AXL: variants seen among roughly 807,000 people sequenced by gnomAD.
AXL encodes tyrosine-protein kinase receptor UFO.
A neutral mutation model predicts 104.5 loss-of-function variants in AXL; 52 were observed. The ratio of observed to expected loss-of-function variants is 0.50; its 90% confidence interval spans 0.40 to 0.63. The LOEUF is 0.63. Ranked by LOEUF, AXL falls within the 20% of genes least tolerant of loss-of-function variation. The probability of loss-of-function intolerance (pLI) is 0.00; values close to 1 mark genes in which losing one functional copy is unlikely to be tolerated. For synonymous variants in AXL, 455 were observed against 473.7 expected (o/e 0.96, Z 0.51); for missense variants, 1,024 against 1,188.5 (o/e 0.86, Z 2.04).
At position 41,259,684 on chromosome 19, in the gene AXL, T is replaced by A; in HGVS notation, c.2465T>A (p.Val822Asp). The A allele has an allele frequency of 1.2e-6, 2 of 1,614,042 alleles. No homozygotes were observed. The highest frequency in any genetic ancestry group is 1.3e-5 in the African/African-American group (1 of 74,978). ...CAGGAGCCTGACGAAATCCTCTATGTCAACATGGATGAGGGTGGAGGTTAT... is the reference window on the plus strand; with the variant it reads ...CAGGAGCCTGACGAAATCCTCTATGACAACATGGATGAGGGTGGAGGTTAT... Reference protein sequence around the residue: ...PAQEPDEILYVNMDEGGGYPE... With the variant: ...PAQEPDEILYDNMDEGGGYPE... The change falls in exon 20 of 20, where the codon GTC becomes GAC. Residue 822 changes from valine (V) to aspartate (D), a missense_variant. Val to Asp is a radical substitution (Grantham distance 152). Coordinates refer to ENST00000301178, the MANE Select transcript of AXL (RefSeq NM_021913.5).
rs2033778189 is a variant in AXL at position 41,220,846 on chromosome 19, T to C, written c.296T>C (p.Val99Ala). 1 of 1,613,926 alleles carries C rather than the reference T, an allele frequency of 6.2e-7. No homozygotes were observed. The highest frequency in any genetic ancestry group is 2.2e-5 in the East Asian group (1 of 44,830). The change falls in exon 2 of 20, where the codon GTC (valine) becomes GCC (alanine). Residue 99 changes from valine (V) to alanine (A), a missense_variant. By Grantham distance (64) the Val-to-Ala change is moderately conservative (BLOSUM62 0). Around this residue, in one of 5 missense-constraint regions of AXL, gnomAD observed 41 missense variants for 76.2 expected, o/e 0.54. Coordinates refer to ENST00000301178, the MANE Select transcript of AXL (RefSeq NM_021913.5). ...GEDEQDDWIV[V>A]SQLRITSLQL... Reference sequence around the variant, plus strand: ...GATGAACAGGATGACTGGATAGTGGTCAGCCAGCTCAGGTGTGTGGCCACA... The same window carrying C: ...GATGAACAGGATGACTGGATAGTGGCCAGCCAGCTCAGGTGTGTGGCCACA...
At chr19:41,245,878 G>C (rs2034263116) in intron 12 of AXL, among the ~76,000 whole-genome samples, 1 of 152,156 alleles carries the variant, frequency 6.6e-6, no homozygotes, top group Non-Finnish European at 1.5e-5. Context: ...TTTAAGAAGA[G>C]AAGGAAGAAG....
chr19:41,219,470 C>T lies in AXL; in HGVS notation c.78C>T (p.Ala26=). 1 of 1,604,250 alleles carries T rather than the reference C, an allele frequency of 6.2e-7. No individual in the cohort carries two copies. Among genetic ancestry groups the T allele is most frequent in the South Asian group, 1.1e-5 (1 of 89,256 alleles). The change falls in exon 1 of 20, where the codon GCC becomes GCT. Residue 26 remains alanine (A), a synonymous_variant. Transcript: ENST00000301178. The part of the protein sequence containing the change: ...CLALCGWACM[A]PRGTQAEESP... The stretch of plus-strand genomic sequence containing the variant: ...CGCTGTGCGGCTGGGCGTGCATGGC[C>T]CCCAGGGGTGAGTGATGGGGGCTCC...
chr19:41,251,727 A>AAAAAAC (rs1031198974), intron 14 of AXL, among the ~76,000 whole-genome samples: 1 of 152,028 alleles, frequency 6.6e-6, no homozygotes, highest in African/African-American at 2.4e-5. Flanking sequence ...AAATAAAAAT[A>AAAAAAC]AAAAACAAAA....
At chr19:41,220,060 C>T (rs1459501265) in intron 1 of AXL, among the ~76,000 whole-genome samples, 4 of 151,186 alleles carry the variant, frequency 2.6e-5, no homozygotes, top group East Asian at 3.9e-4. Flanking sequence ...TCTCTCCCTG[C>T]TCTCTGAGTC....
At chr19:41,237,001 C>G (rs1387852684) in intron 6 of AXL, among the ~76,000 whole-genome samples, 2 of 151,782 alleles carry the variant, frequency 1.3e-5, no homozygotes, top group Non-Finnish European at 2.9e-5. Flanking sequence ...TTATGTGTGG[C>G]CCAAGACAAT....
At chr19:41,238,277 A>G (rs1465768229) in intron 7 of AXL, 123 bp downstream of exon 7, 3 of 1,414,124 alleles carry the variant, frequency 2.1e-6, no homozygotes, top group Non-Finnish European at 3.0e-6. Flanking sequence ...TTCCCATCCA[A>G]TCTCTGACCC....
Position 41,222,007 on chromosome 19 carries a change from C to G in AXL, c.537C>G (p.Pro179=). 1 of 1,605,900 alleles carries G rather than the reference C, an allele frequency of 6.2e-7. No individual in the cohort carries two copies. Among genetic ancestry groups the G allele is most frequent in the Non-Finnish European group, 8.5e-7 (1 of 1,176,932 alleles). Residue 179 remains proline, a synonymous_variant, in exon 4 of 20, where the codon CCC becomes CCG. Transcript: ENST00000301178. The stretch of plus-strand genomic sequence containing the variant: ...TACTCTGGCTCCAGGATGCTGTCCC[C>G]CTGGCCACGGCTCCAGGTCACGGCC... The part of the protein sequence containing the change: ...VDLLWLQDAV[P]LATAPGHGPQ...
chr19:41,257,675 C>T (rs757611340), intron 19 of AXL, 46 bp downstream of exon 19: 3 of 1,611,122 alleles, frequency 1.9e-6, no homozygotes, highest in Non-Finnish European at 1.7e-6. Context: ...ATTCCAAACC[C>T]CTGACTACCC....
chr19:41,229,502 C>T lies in AXL; in HGVS notation c.587-1465C>T, dbSNP rs559155597. On this transcript the variant is annotated intron_variant, in intron 4 of 19. Coordinates refer to ENST00000301178, the MANE Select transcript of AXL (RefSeq NM_021913.5). ...CTGGTCTCTAACTCCTGGCCTCAAG[C>T]GATCCTCCTGACTCAGCCTCCCAAA... Among the ~76,000 whole-genome samples, 6 of 152,172 alleles carry T rather than the reference C, an allele frequency of 3.9e-5. No individual in the cohort carries two copies. The East Asian group carries it at 5.8e-4, about 15-fold the overall frequency.
In AXL at chr19:41,256,692, A is replaced by C. The variant is rs2034458215; in HGVS notation, c.2196+81A>C. 47 of 1,562,304 alleles carry C rather than the reference A, an allele frequency of 3.0e-5. No individual in the cohort carries two copies. In the East Asian group the frequency reaches 1.1e-3, roughly 36 times the overall value. On this transcript the variant is annotated intron_variant, in intron 18 of 19. Transcript: ENST00000301178. ...ACACACTATGCCTGGGTGGCTGTGG[A>C]TGCAAGGGTCACAGGGACATGTGGG...
At position 41,219,425 on chromosome 19, in the gene AXL, C is replaced by G; in HGVS notation, c.33C>G (p.Val11=). 6.2e-7 allele frequency: 1 copy of G among 1,605,952 alleles called. No individual in the cohort carries two copies. Among genetic ancestry groups the G allele is most frequent in the Non-Finnish European group, 8.5e-7 (1 of 1,176,626 alleles). Residue 11 remains valine, a synonymous_variant, in exon 1 of 20, where the codon GTC becomes GTG. Transcript: ENST00000301178. ...GGCGGTGCCCCAGGATGGGCAGGGT[C>G]CCGCTGGCCTGGTGCTTGGCGCTGT... The part of the protein sequence containing the change: MAWRCPRMGR[V]PLAWCLALCG...
chr19:41,219,566 G>A (rs1266081351), intron 1 of AXL, 89 bp downstream of exon 1: 3 of 1,442,724 alleles, frequency 2.1e-6, no homozygotes, highest in African/African-American at 2.8e-5. Context: ...GGTGTGGGGG[G>A]CCTGGGCTGG....
At chr19:41,256,082 T>G (rs1024995972) in intron 17 of AXL, among the ~76,000 whole-genome samples, 5 of 150,032 alleles carry the variant, frequency 3.3e-5, no homozygotes, top group African/African-American at 7.4e-5. Context: ...GTTACATGGG[T>G]GTGTGTGTGT....
chr19:41,231,381 C>G, intron 6 of AXL, 83 bp downstream of exon 6: 2 of 1,280,252 alleles, frequency 1.6e-6, no homozygotes, highest in Admixed American at 4.5e-5. Context: ...CCTGGGAACC[C>G]ACCACTTCTC....
intron 4 of AXL, among the ~76,000 whole-genome samples, chr19:41,230,438 G>A (rs2033960611): frequency 1.3e-5 from 2 of 151,222 alleles, no homozygotes; most frequent in African/African-American, 2.4e-5. Context: ...GCCTGTGACT[G>A]TGTGTGGTTG....
chr19:41,252,292 T>A (rs1599741588), intron 14 of AXL, 59 bp from the exon 15 acceptor site: 1 of 1,302,210 alleles, frequency 7.7e-7, no homozygotes, highest in Non-Finnish European at 1.1e-6. Context: ...GGAGTGGAGG[T>A]GGAGGGAGAG....
At chr19:41,225,526 G>A (rs1294931359) in intron 4 of AXL, among the ~76,000 whole-genome samples, 1 of 152,200 alleles carries the variant, frequency 6.6e-6, no homozygotes, top group Non-Finnish European at 1.5e-5. Context: ...TGAATATACA[G>A]GGACATTTAA....
At position 41,238,083 on chromosome 19, in the gene AXL, G is replaced by A. The variant is rs776310618; in HGVS notation, c.923G>A (p.Arg308His). 23 of 1,613,242 alleles carry A rather than the reference G, an allele frequency of 1.4e-5. No homozygotes were observed. Among genetic ancestry groups the A allele is most frequent in the African/African-American group, 9.4e-5 (7 of 74,572 alleles). Residue 308 changes from arginine (R) to histidine (H), a missense_variant, in exon 7 of 20, where the codon CGC becomes CAC. Arg to His is a conservative substitution (Grantham distance 29). This residue lies in a region of AXL where 332 missense variants were observed against 343.9 expected (regional missense o/e 0.97). Transcript: ENST00000301178. ...CATCCTCACACCCCTTATCACATCC[G>A]CGTGGCATGCACCAGCAGCCAGGGC... is the stretch of plus-strand genomic sequence containing the variant. ...SLHPHTPYHI[R>H]VACTSSQGPS...
Sources: allele counts gnomAD v4.1 joint callset (sites outside exome capture counted in the v4.1 genomes callset), GRCh38; gene constraint gnomAD v4.1.1; regional missense constraint gnomAD v4.1.1; transcripts MANE v1.5; gene names NCBI Gene and HGNC (gene_info 2026-07-23, HGNC 2026-07-21).